Variants in SLC24A3 observed in about 807,000 individuals in gnomAD.
SLC24A3 encodes solute carrier family 24 member 3.
SLC24A3 carries 28 observed loss-of-function variants against 75.8 expected under a neutral mutation model. The observed-to-expected ratio is 0.37, with a 90% confidence interval of 0.27 to 0.51. The LOEUF (loss-of-function observed/expected upper bound fraction) is 0.51. Ranked by LOEUF, SLC24A3 falls within the 20% of genes least tolerant of loss-of-function variation. The probability of loss-of-function intolerance (pLI) is 0.94; values close to 1 mark genes in which losing one functional copy is unlikely to be tolerated. For missense variants in SLC24A3, 663 were observed against 847.8 expected, an observed-to-expected ratio of 0.78 and a Z score of 2.71; for synonymous variants, 372 against 334.1, an observed-to-expected ratio of 1.11 and a Z score of -1.24.
chr20:19,450,224 A>G (rs34030491), intron 2 of SLC24A3, among the ~76,000 whole-genome samples: 49,183 of 152,176 alleles, frequency 0.32, 9,191 homozygotes, highest in East Asian at 0.46. Flanking sequence ...TCCTCTCCAC[A>G]GACAGTAAAC....
Position 19,212,947 on chromosome 20 carries a change from G to T in SLC24A3, c.105G>T (p.Leu35=). 7 of 1,339,476 alleles carry T rather than the reference G, an allele frequency of 5.2e-6. No individual in the cohort carries two copies. The highest frequency in any genetic ancestry group is 6.7e-6 in the Non-Finnish European group (7 of 1,043,950). The allele number at this position is 1,339,476 out of a possible 1,614,324, so 83.0% of individuals were successfully genotyped here. A position where few individuals can be genotyped will look rare whatever the true frequency, so the allele number is the denominator to read the frequency against. The part of the protein sequence containing the change: ...SQLCFLASVA[L]LLWSLSSLRE... Reference sequence around the variant, plus strand: ...TCTGCTTCCTGGCCTCGGTGGCGCTGCTGCTCTGGTCGCTGTCGAGCCTGC... The same window carrying T: ...TCTGCTTCCTGGCCTCGGTGGCGCTTCTGCTCTGGTCGCTGTCGAGCCTGC... The change falls in exon 1 of 17, where the codon CTG becomes CTT. Residue 35 remains leucine, a synonymous_variant. Coordinates refer to ENST00000328041, the MANE Select transcript of SLC24A3 (RefSeq NM_020689.4).
At chr20:19,398,408 C>G (rs1986494002) in intron 2 of SLC24A3, among the ~76,000 whole-genome samples, 1 of 152,024 alleles carries the variant, frequency 6.6e-6, no homozygotes, top group African/African-American at 2.4e-5. Context: ...TCAGATTTAT[C>G]CCATTTTTGA....
chr20:19,435,015 G>A (rs1410980216), intron 2 of SLC24A3, among the ~76,000 whole-genome samples: 1 of 152,208 alleles, frequency 6.6e-6, no homozygotes, highest in Non-Finnish European at 1.5e-5. Context: ...CCCGTAGCTT[G>A]AGGTGCTCTG....
At chr20:19,616,598 G>A (rs1233196606) in intron 6 of SLC24A3, among the ~76,000 whole-genome samples, 1 of 152,098 alleles carries the variant, frequency 6.6e-6, no homozygotes, top group Admixed American at 6.6e-5. Context: ...CAAACAGTAG[G>A]CACTTGGACT....
At chr20:19,282,034 A>G (rs879385588) in intron 2 of SLC24A3, among the ~76,000 whole-genome samples, 2 of 152,084 alleles carry the variant, frequency 1.3e-5, no homozygotes, top group Non-Finnish European at 1.5e-5. Flanking sequence ...CAGGAGCTCA[A>G]TGACATGCTG....
intron 1 of SLC24A3, among the ~76,000 whole-genome samples, chr20:19,280,029 T>C (rs979965681): frequency 3.3e-5 from 5 of 152,226 alleles, no homozygotes; most frequent in African/African-American, 7.2e-5. Flanking sequence ...GTAATCTTAA[T>C]GCTCAGGAAG....
intron 2 of SLC24A3, among the ~76,000 whole-genome samples, chr20:19,471,624 T>G (rs1458224549): frequency 1.3e-5 from 2 of 151,462 alleles, no homozygotes; most frequent in Non-Finnish European, 2.9e-5. Context: ...ATAACATCCC[T>G]GCATGTTTCT....
intron 3 of SLC24A3, among the ~76,000 whole-genome samples, chr20:19,536,862 T>A (rs1475253790): frequency 1.3e-5 from 2 of 152,096 alleles, no homozygotes; most frequent in Non-Finnish European, 2.9e-5. Flanking sequence ...TTACACCTTA[T>A]ACAAAAATTA....
rs150616885 is a variant in SLC24A3, at chr20:19,532,285, G to A, written c.348+16721G>A. Reference sequence around the variant, plus strand: ...AGCCTCAAGTCAAGCACAAAGCAGGGCTGGATACTTGCGGAAGGCCCCGCA... The same window carrying A: ...AGCCTCAAGTCAAGCACAAAGCAGGACTGGATACTTGCGGAAGGCCCCGCA... On this transcript the variant is annotated intron_variant, in intron 3 of 16. Coordinates refer to ENST00000328041, the MANE Select transcript of SLC24A3 (RefSeq NM_020689.4). Among the ~76,000 whole-genome samples, 524 of 152,308 alleles carry A rather than the reference G, an allele frequency of 3.4e-3. 2 individuals are homozygous for A. The highest frequency in any genetic ancestry group is 0.012 in the African/African-American group (495 of 41,556).
At chr20:19,548,110 A>G (rs2030630968) in intron 3 of SLC24A3, among the ~76,000 whole-genome samples, 1 of 152,190 alleles carries the variant, frequency 6.6e-6, no homozygotes. Flanking sequence ...TGGGCCTGGT[A>G]TCAAAAGGGG....
intron 4 of SLC24A3, among the ~76,000 whole-genome samples, chr20:19,581,469 G>A (rs1600289070): frequency 6.6e-6 from 1 of 152,112 alleles, no homozygotes. Context: ...GCCCTTGTAG[G>A]GAGAGGCAAT....
intron 2 of SLC24A3, among the ~76,000 whole-genome samples, chr20:19,482,845 CACGGTTCAGTCAA>C: frequency 2.0e-5 from 3 of 152,186 alleles, no homozygotes; most frequent in Non-Finnish European, 4.4e-5. Flanking sequence ...ACCACAAGCA[CACGGTTCAGTCAA>C]TAGGAGGCTC....
chr20:19,375,411 C>T (rs192574967), intron 2 of SLC24A3, among the ~76,000 whole-genome samples: 32 of 152,284 alleles, frequency 2.1e-4, no homozygotes, highest in African/African-American at 6.3e-4. Context: ...ATGAACCGCA[C>T]GGATCAGCAC....
intron 1 of SLC24A3, among the ~76,000 whole-genome samples, chr20:19,253,089 A>G (rs960858567): frequency 8.5e-5 from 13 of 152,174 alleles, no homozygotes; most frequent in African/African-American, 3.1e-4. Context: ...CAGGCAACAG[A>G]CGGGATGGTA....
chr20:19,624,518 G>A (rs6075545), intron 6 of SLC24A3, among the ~76,000 whole-genome samples: 59,319 of 151,950 alleles, frequency 0.39, 12,963 homozygotes, highest in African/African-American at 0.59. Flanking sequence ...CGGCTACTCA[G>A]GGGGAAGTCT....
At chr20:19,433,356 G>A (rs922509932) in intron 2 of SLC24A3, among the ~76,000 whole-genome samples, 1 of 152,130 alleles carries the variant, frequency 6.6e-6, no homozygotes, top group Non-Finnish European at 1.5e-5. Flanking sequence ...ATCATGCAGT[G>A]GTTTTAATGA....
chr20:19,703,408 A>T (rs1310386348), intron 15 of SLC24A3, among the ~76,000 whole-genome samples: 3 of 152,248 alleles, frequency 2.0e-5, no homozygotes, highest in African/African-American at 7.2e-5. Context: ...CTCACACTGC[A>T]CCAGTATCCA....
rs541917736 is a variant in SLC24A3 at position 19,253,878 on chromosome 20, C to T, written c.143-27081C>T. On this transcript the variant is annotated intron_variant, in intron 1 of 16. Coordinates refer to ENST00000328041, the MANE Select transcript of SLC24A3 (RefSeq NM_020689.4). Reference sequence around the variant, plus strand: ...TGAGCCAGGCCACACCGTCCTCTTCCATGGTCCAGTCTAGTGTGCATGTTC... The same window carrying T: ...TGAGCCAGGCCACACCGTCCTCTTCTATGGTCCAGTCTAGTGTGCATGTTC... Among the ~76,000 whole-genome samples the T allele has an allele frequency of 3.3e-5, 5 of 152,330 alleles. No homozygotes were observed. The East Asian group carries it at 9.6e-4, about 29-fold the overall frequency.
chr20:19,449,402 G>T (rs58284751), intron 2 of SLC24A3, among the ~76,000 whole-genome samples: 3 of 152,202 alleles, frequency 2.0e-5, no homozygotes, highest in African/African-American at 7.2e-5. Flanking sequence ...CCCACGTGGC[G>T]CCCAAGCTCT....
Sources: gnomAD v4.1 joint callset for allele counts (sites outside exome capture counted in the v4.1 genomes callset) on GRCh38, gnomAD v4.1.1 for gene constraint, MANE v1.5 for transcripts, NCBI Gene and HGNC (gene_info 2026-07-23, HGNC 2026-07-21) for gene names.